The following SRRM4 variants were observed in gnomAD, a reference collection of about 807,000 sequenced individuals.
The protein encoded by SRRM4 is serine/arginine repetitive matrix protein 4.
Under a neutral mutation model 68.9 loss-of-function variants are expected in SRRM4, and 33 were observed. The ratio of observed to expected loss-of-function variants is 0.48; its 90% confidence interval spans 0.36 to 0.64. SRRM4 has a LOEUF of 0.64. Ranked by LOEUF, SRRM4 falls within the 30% of genes least tolerant of loss-of-function variation. SRRM4 has a pLI of 0.00. For missense variants in SRRM4, 817 were observed against 827.1 expected (o/e 0.99, Z 0.15); for synonymous variants, 318 against 318.8 (o/e 1.00, Z 0.03).
chr12:119,074,685 T>C (rs1018577898), intron 1 of SRRM4, among the ~76,000 whole-genome samples: 2 of 152,160 alleles, frequency 1.3e-5, no homozygotes, highest in Non-Finnish European at 2.9e-5. Flanking sequence ...TAATCTGAGA[T>C]GACATCGATC....
chr12:119,019,921 C>G (rs1179983796), intron 1 of SRRM4, among the ~76,000 whole-genome samples: 1 of 148,846 alleles, frequency 6.7e-6, no homozygotes. Context: ...CTTTGAGAAG[C>G]TGGAAAGCTC....
At chr12:119,052,836 T>C (rs1305913752) in intron 1 of SRRM4, among the ~76,000 whole-genome samples, 1 of 152,152 alleles carries the variant, frequency 6.6e-6, no homozygotes, top group Non-Finnish European at 1.5e-5. Context: ...GCCTAAGATG[T>C]TTAACTGTTG....
intron 1 of SRRM4, among the ~76,000 whole-genome samples, chr12:119,099,960 C>A (rs913922072): frequency 6.6e-6 from 1 of 152,168 alleles, no homozygotes; most frequent in Non-Finnish European, 1.5e-5. Context: ...TCACTAAGCC[C>A]ATCCGATATT....
chr12:119,075,789 T>A (rs1164954306), intron 1 of SRRM4, among the ~76,000 whole-genome samples: 2 of 149,130 alleles, frequency 1.3e-5, no homozygotes, highest in African/African-American at 2.5e-5. Context: ...ATGATAGCGA[T>A]GATGGTGATG....
chr12:119,107,602 T>G (rs937718979), intron 2 of SRRM4, among the ~76,000 whole-genome samples: 7 of 152,236 alleles, frequency 4.6e-5, no homozygotes, highest in Non-Finnish European at 1.0e-4. Context: ...CTAGTTTATT[T>G]GTGTAGAGTG....
intron 1 of SRRM4, among the ~76,000 whole-genome samples, chr12:118,989,186 G>C (rs780630750): frequency 1.3e-5 from 1 of 75,788 alleles, no homozygotes; most frequent in Non-Finnish European, 4.0e-5. Context: ...TTCCAGATCT[G>C]ATCTGCTTCT....
chr12:118,998,342 T>C (rs970417738), intron 1 of SRRM4, among the ~76,000 whole-genome samples: 2 of 145,806 alleles, frequency 1.4e-5, no homozygotes, highest in African/African-American at 5.1e-5. Flanking sequence ...GTAGTTGTGG[T>C]CTGGAGCACT....
chr12:119,022,102 G>C (rs941895196), intron 1 of SRRM4, among the ~76,000 whole-genome samples: 1 of 151,838 alleles, frequency 6.6e-6, no homozygotes, highest in African/African-American at 2.4e-5. Context: ...TGGGTTGATA[G>C]GTGCAGCAAA....
chr12:119,080,631 C>T (rs1953942210), intron 1 of SRRM4, among the ~76,000 whole-genome samples: 1 of 152,176 alleles, frequency 6.6e-6, no homozygotes, highest in African/African-American at 2.4e-5. Context: ...ACAGAAGTTT[C>T]TGAAGTTAAG....
chr12:119,137,265 T>C, intron 8 of SRRM4, among the ~76,000 whole-genome samples: 1 of 152,158 alleles, frequency 6.6e-6, no homozygotes, highest in East Asian at 1.9e-4. Flanking sequence ...AATGGACTTG[T>C]TCAGTTTAAT....
intron 10 of SRRM4, 132 bp downstream of exon 10, chr12:119,151,352 G>C (rs940756344): frequency 1.2e-6 from 1 of 804,024 alleles, no homozygotes; most frequent in East Asian, 2.7e-5. Flanking sequence ...TGCCCATTTC[G>C]AGCTGGTGGC....
intron 1 of SRRM4, among the ~76,000 whole-genome samples, chr12:119,055,235 C>G (rs1592879238): frequency 6.6e-6 from 1 of 152,248 alleles, no homozygotes; most frequent in East Asian, 1.9e-4. Context: ...CACTTCTCTC[C>G]TACTGGTTTG....
intron 1 of SRRM4, among the ~76,000 whole-genome samples, chr12:119,059,276 A>G (rs1382732683): frequency 6.6e-6 from 1 of 152,074 alleles, no homozygotes; most frequent in Non-Finnish European, 1.5e-5. Context: ...TCATTCATTC[A>G]TTCATTCATT....
chr12:119,018,195 T>A (rs1953493359), intron 1 of SRRM4, among the ~76,000 whole-genome samples: 1 of 152,192 alleles, frequency 6.6e-6, no homozygotes, highest in African/African-American at 2.4e-5. Flanking sequence ...TGTCTCTCTG[T>A]GCTGGCTTTA....
chr12:119,099,744 G>C (rs1002340529), intron 1 of SRRM4, among the ~76,000 whole-genome samples: 1 of 152,256 alleles, frequency 6.6e-6, no homozygotes, highest in South Asian at 2.1e-4. Flanking sequence ...CTCACTCATA[G>C]GGCTAACAAG....
At chr12:119,085,644 C>T (rs1396478767) in intron 1 of SRRM4, among the ~76,000 whole-genome samples, 3 of 152,170 alleles carry the variant, frequency 2.0e-5, no homozygotes, top group Non-Finnish European at 4.4e-5. Context: ...GGGCTCTGCA[C>T]AAGAGAATAA....
chr12:119,023,640 T>G (rs1166025850), intron 1 of SRRM4, among the ~76,000 whole-genome samples: 1 of 152,184 alleles, frequency 6.6e-6, no homozygotes, highest in African/African-American at 2.4e-5. Flanking sequence ...CACAGCTGCT[T>G]AAAACCTTCC....
intron 4 of SRRM4, among the ~76,000 whole-genome samples, chr12:119,119,050 A>ATTTTTTTTTTT (rs34814921): frequency 7.4e-6 from 1 of 135,760 alleles, no homozygotes; most frequent in African/African-American, 2.8e-5. Context: ...AAGCACTGAG[A>ATTTTTTTTTTT]TTTTTTTTTT....
intron 1 of SRRM4, among the ~76,000 whole-genome samples, chr12:119,022,793 G>T (rs1051934767): frequency 6.6e-6 from 1 of 152,076 alleles, no homozygotes; most frequent in Non-Finnish European, 1.5e-5. Context: ...AATAATCAGG[G>T]AAATGCATTC....
Sources: allele counts gnomAD v4.1 joint callset (sites outside exome capture counted in the v4.1 genomes callset), GRCh38; gene constraint gnomAD v4.1.1; transcripts MANE v1.5; gene names NCBI Gene and HGNC (gene_info 2026-07-23, HGNC 2026-07-21).